VMP1: variants seen among roughly 807,000 people sequenced by gnomAD.
VMP1 encodes the protein vacuole membrane protein 1, also known as ectopic P-granules autophagy protein 3 homolog.
A neutral mutation model predicts 56.0 loss-of-function variants in VMP1; 11 were observed. The ratio of observed to expected loss-of-function variants is 0.20; its 90% CI spans 0.12 to 0.32. The LOEUF is 0.32. Among genes scored for constraint, VMP1 ranks in the 10% least tolerant of loss-of-function variants. The pLI is 1.00. For missense variants in VMP1, 296 were observed against 490.3 expected (o/e 0.60, Z 3.74); for synonymous variants, 149 against 165.0 (o/e 0.90, Z 0.74).
chr17:59,814,272 T>C (rs1476007033), intron 9 of VMP1, among the ~76,000 whole-genome samples: 1 of 152,222 alleles, frequency 6.6e-6, no homozygotes, highest in African/African-American at 2.4e-5. Context: ...CCACTGCGCC[T>C]GGCCGATGAG....
intron 7 of VMP1, among the ~76,000 whole-genome samples, chr17:59,791,379 C>T (rs567660634): frequency 8.6e-5 from 13 of 151,664 alleles, no homozygotes; most frequent in African/African-American, 2.7e-4. Flanking sequence ...TTAGTAGAGA[C>T]GGGGTTTTAG....
chr17:59,808,708 T>C (rs2037933236), intron 7 of VMP1, 88 bp from the exon 8 acceptor site: 1 of 1,046,068 alleles, frequency 9.6e-7, no homozygotes. Flanking sequence ...TGTCATCAGA[T>C]TGGGAGATCT....
At chr17:59,720,087 A>G (rs2143740467) in intron 1 of VMP1, among the ~76,000 whole-genome samples, 1 of 152,366 alleles carries the variant, frequency 6.6e-6, no homozygotes, top group South Asian at 2.1e-4. Context: ...GGTGCAAAGT[A>G]GATGCCATTG....
intron 10 of VMP1, among the ~76,000 whole-genome samples, chr17:59,823,981 G>T (rs191666364): frequency 6.6e-6 from 1 of 152,052 alleles, no homozygotes; most frequent in African/African-American, 2.4e-5. Flanking sequence ...AATGAATCCC[G>T]GGCCGGGCGC....
rs116339667 is a variant in VMP1 at position 59,743,825 on chromosome 17, A to C, written c.414+4878A>C. Among the ~76,000 whole-genome samples the C allele has an allele frequency of 1.9e-3, 290 of 152,068 alleles. 2 individuals carry two copies. The highest frequency in any genetic ancestry group is 6.6e-3 in the African/African-American group (276 of 41,504). On this transcript the variant is annotated intron_variant, in intron 5 of 11. Coordinates refer to ENST00000262291, the MANE Select transcript of VMP1 (RefSeq NM_030938.5). ...TGATTCCTTATGATTTTCTACATAG[A>C]TAATTATGTCATCTGTGAACAAAGA...
intron 10 of VMP1, among the ~76,000 whole-genome samples, chr17:59,823,728 G>T (rs567923762): frequency 9.5e-4 from 145 of 151,962 alleles, no homozygotes; most frequent in African/African-American, 2.9e-3. Flanking sequence ...TCCAACCTGG[G>T]TGACAGAGCG....
chr17:59,722,331 T>A (rs905065041), intron 1 of VMP1, among the ~76,000 whole-genome samples: 1 of 152,186 alleles, frequency 6.6e-6, no homozygotes, highest in Non-Finnish European at 1.5e-5. Context: ...CCCCAGTAGA[T>A]AGGAGATTTA....
intron 3 of VMP1, among the ~76,000 whole-genome samples, chr17:59,736,338 G>T (rs1253825707): frequency 6.7e-6 from 1 of 149,256 alleles, no homozygotes. Context: ...GGGAGGCAGA[G>T]GTTGCAGTGA....
At chr17:59,720,559 G>T (rs2034350227) in intron 1 of VMP1, among the ~76,000 whole-genome samples, 1 of 152,116 alleles carries the variant, frequency 6.6e-6, no homozygotes, top group African/African-American at 2.4e-5. Flanking sequence ...TTGGAAAATT[G>T]TGACATTTGA....
chr17:59,784,100 A>AGTGTGTGTGTGTGTGTGT (rs536985526), intron 7 of VMP1, among the ~76,000 whole-genome samples: 2 of 139,108 alleles, frequency 1.4e-5, no homozygotes, highest in African/African-American at 5.5e-5. Flanking sequence ...CATCAAAAAG[A>AGTGTGTGTGTGTGTGTGT]GTGTGTGTGT....
chr17:59,757,238 GAGAT>G (rs72408206), intron 5 of VMP1, among the ~76,000 whole-genome samples: 48,877 of 146,448 alleles, frequency 0.33, 8,219 homozygotes, highest in Non-Finnish European at 0.36. Flanking sequence ...GATTAGGATG[GAGAT>G]AGATAGATAG....
chr17:59,829,821 T>C (rs551211475), intron 10 of VMP1, among the ~76,000 whole-genome samples: 81 of 152,270 alleles, frequency 5.3e-4, no homozygotes, highest in African/African-American at 1.9e-3. Flanking sequence ...TTCCTGAAAG[T>C]GTATCCTACT....
At chr17:59,814,140 C>G (rs1188914404) in intron 9 of VMP1, among the ~76,000 whole-genome samples, 1 of 152,056 alleles carries the variant, frequency 6.6e-6, no homozygotes, top group East Asian at 1.9e-4. Flanking sequence ...GCCACCACAC[C>G]CAGCTAATTC....
chr17:59,807,953 A>G (rs2037908856), intron 7 of VMP1, among the ~76,000 whole-genome samples: 1 of 152,146 alleles, frequency 6.6e-6, no homozygotes, highest in Non-Finnish European at 1.5e-5. Context: ...ACATTAGCTC[A>G]TTTTTTGTCT....
At chr17:59,750,409 C>G (rs970747763) in intron 5 of VMP1, among the ~76,000 whole-genome samples, 1 of 150,940 alleles carries the variant, frequency 6.6e-6, no homozygotes, top group Non-Finnish European at 1.5e-5. Context: ...TCAGGTGATT[C>G]TCCTGCCTCA....
chr17:59,719,395 A>G (rs2034305442), intron 1 of VMP1, among the ~76,000 whole-genome samples: 1 of 152,208 alleles, frequency 6.6e-6, no homozygotes, highest in Non-Finnish European at 1.5e-5. Flanking sequence ...CTTATTGGCT[A>G]TCTTTGTGTG....
intron 1 of VMP1, among the ~76,000 whole-genome samples, chr17:59,728,655 A>G (rs2034700595): frequency 6.6e-6 from 1 of 151,914 alleles, no homozygotes; most frequent in Non-Finnish European, 1.5e-5. Context: ...CCTGGGCAAC[A>G]TAACTAAATG....
At chr17:59,727,856 A>G (rs1254341049) in intron 1 of VMP1, among the ~76,000 whole-genome samples, 1 of 152,236 alleles carries the variant, frequency 6.6e-6, no homozygotes, top group Middle Eastern at 3.2e-3. Flanking sequence ...AGTGGCAATT[A>G]TTGTCCTCAT....
At chr17:59,714,045 G>GAA (rs2034049307) in intron 1 of VMP1, among the ~76,000 whole-genome samples, 1 of 88,668 alleles carries the variant, frequency 1.1e-5, no homozygotes, top group Non-Finnish European at 2.2e-5. Context: ...CGTCTTAAAA[G>GAA]GAAAAAAAAA....
Sources: gnomAD v4.1 joint callset for allele counts (sites outside exome capture counted in the v4.1 genomes callset) on GRCh38, gnomAD v4.1.1 for gene constraint, MANE v1.5 for transcripts, NCBI Gene and HGNC (gene_info 2026-07-23, HGNC 2026-07-21) for gene names.